Variants in PIGN observed in about 807,000 individuals in gnomAD.
PIGN encodes GPI ethanolamine phosphate transferase 1.
Under a neutral mutation model 125.4 loss-of-function variants are expected in PIGN, and 117 were observed. The observed-to-expected ratio is 0.93, with a 90% CI of 0.80 to 1.09. The LOEUF is 1.09. Among genes scored for constraint, PIGN ranks in the 50% least tolerant of loss-of-function variants. PIGN has a pLI of 0.00. For synonymous variants in PIGN, 392 were observed against 377.8 expected (o/e 1.04, Z -0.44); for missense variants, 1,075 against 1,094.9 (o/e 0.98, Z 0.26).
intron 23 of PIGN, among the ~76,000 whole-genome samples, chr18:62,030,931 G>A (rs1271076952): frequency 2.0e-4 from 31 of 152,142 alleles, no homozygotes; most frequent in Non-Finnish European, 1.3e-4. Flanking sequence ...GATGGCTTGA[G>A]CCCAGGAGTT....
chr18:62,109,759 A>T, intron 17 of PIGN, 75 bp downstream of exon 17: 1 of 1,302,404 alleles, frequency 7.7e-7, no homozygotes, highest in Non-Finnish European at 1.1e-6. Flanking sequence ...TATGGTACAG[A>T]AATCTACTGC....
chr18:62,044,093 A>G lies in PIGN; in HGVS notation c.*1763T>C, dbSNP rs1319117582. ...GCTGCAGGCACACAACACAAACTCC[A>G]CAAACTCTATGATACTGTCAGAAGG... On this transcript the variant is annotated 3_prime_UTR_variant, in exon 31 of 31. Coordinates refer to ENST00000640252, the MANE Select transcript of PIGN (RefSeq NM_176787.5). 6.6e-6 allele frequency: 1 copy of G among 152,184 alleles called. No individual in the cohort carries two copies. The highest frequency in any genetic ancestry group is 1.5e-5 in the Non-Finnish European group (1 of 68,028). The allele number at this position is 152,184 out of a possible 1,614,324, so 9.4% of individuals were successfully genotyped here.
intron 23 of PIGN, among the ~76,000 whole-genome samples, chr18:62,094,998 A>G (rs1261632198): frequency 6.6e-6 from 1 of 152,172 alleles, no homozygotes; most frequent in African/African-American, 2.4e-5. Context: ...TAAGTTTCCA[A>G]AAGGGAGAAC....
At chr18:62,179,589 C>T (rs1033915248) in intron 1 of PIGN, among the ~76,000 whole-genome samples, 11 of 151,738 alleles carry the variant, frequency 7.2e-5, no homozygotes, top group Non-Finnish European at 4.4e-5. Context: ...ACAAAAAATG[C>T]AAAAAAATTA....
chr18:62,139,494 A>C (rs1375251691), intron 12 of PIGN, among the ~76,000 whole-genome samples: 1 of 152,254 alleles, frequency 6.6e-6, no homozygotes, highest in Non-Finnish European at 1.5e-5. Context: ...ATACATATAC[A>C]CAAACACTAT....
chr18:62,095,115 T>C (rs1483685605), intron 23 of PIGN, among the ~76,000 whole-genome samples: 3 of 152,246 alleles, frequency 2.0e-5, no homozygotes, highest in African/African-American at 7.2e-5. Flanking sequence ...CAAGATTCTG[T>C]ATTTGGGCCA....
rs1246563928 is a variant in PIGN, at chr18:62,043,185, T to C, written c.*2671A>G. 2 of 152,166 alleles carry C rather than the reference T, an allele frequency of 1.3e-5. No individual in the cohort carries two copies. 9.4% of individuals were successfully genotyped at this position (152,166 alleles called of 1,614,324 possible). A position where few individuals can be genotyped will look rare whatever the true frequency, so the allele number is the denominator to read the frequency against. On this transcript the variant is annotated 3_prime_UTR_variant, in exon 31 of 31. Transcript: ENST00000640252. ...CAAATGACAGAGTTGATTAGCTCCA[T>C]TCTCTTCAGCCCCCTGACATGATGG...
intron 30 of PIGN, chr18:62,051,838 T>C (rs1362403567): frequency 6.6e-6 from 1 of 152,180 alleles, no homozygotes; most frequent in Non-Finnish European, 1.5e-5. Context: ...TGTGGGCATT[T>C]AGTGCTATAA....
chr18:62,110,574 T>C lies in PIGN; in HGVS notation c.1435-601A>G, dbSNP rs193236600. 3.3e-5 allele frequency among the ~76,000 whole-genome samples: 5 copies of C among 152,232 alleles called. 1 individual carries two copies. The East Asian group carries it at 9.6e-4, about 29-fold the overall frequency. ...AAGTACAGGAGATTATCCTAGATAA[T>C]CTGGGTAGTCCTCATTCAATCCGTT... is the stretch of plus-strand genomic sequence containing the variant. On this transcript the variant is annotated intron_variant, in intron 16 of 30. Transcript: ENST00000640252.
At chr18:62,058,771 T>C (rs993659598) in intron 30 of PIGN, 2 of 152,302 alleles carry the variant, frequency 1.3e-5, no homozygotes, top group South Asian at 2.1e-4. Context: ...GTTTACAAAT[T>C]ATGCTAGGTT....
intron 23 of PIGN, among the ~76,000 whole-genome samples, chr18:62,094,159 T>C (rs1033650848): frequency 1.7e-4 from 26 of 152,184 alleles, no homozygotes; most frequent in African/African-American, 6.3e-4. Flanking sequence ...GTAAGTTACA[T>C]GATTAACTAA....
intron 30 of PIGN, among the ~76,000 whole-genome samples, chr18:62,049,855 C>A (rs2031116139): frequency 6.7e-6 from 1 of 150,086 alleles, no homozygotes. Flanking sequence ...AGTCTTTAAT[C>A]CATCTTGAAT....
intron 30 of PIGN, among the ~76,000 whole-genome samples, chr18:62,053,952 A>G (rs935436100): frequency 1.4e-4 from 21 of 152,358 alleles, no homozygotes; most frequent in African/African-American, 5.0e-4. Context: ...TAACAGATAC[A>G]TTACCAAACA....
Position 62,102,859 on chromosome 18 carries a change from C to T in PIGN, c.1903G>A (p.Val635Ile), listed in dbSNP as rs377479190. ...TCTTTTCTTTTCATGAGAGATGTTA[C>T]AACACACAGGGATAACAGAAGAACC... ...LLVLLLSLCV[V>I]TSLMKRKDSF... The change falls in exon 21 of 31, where the codon GTA becomes ATA. Residue 635 changes from valine (V) to isoleucine (I), a missense_variant. This residue lies in a region of PIGN where 915 missense variants were observed against 908.7 expected (regional missense o/e 1.01). Transcript: ENST00000640252. 8 of 1,587,606 alleles carry T rather than the reference C, an allele frequency of 5.0e-6. No homozygotes were observed. In the African/African-American group the frequency reaches 9.4e-5, roughly 19 times the overall value.
At chr18:62,121,216 G>A (rs753216775) in intron 14 of PIGN, among the ~76,000 whole-genome samples, 3 of 152,156 alleles carry the variant, frequency 2.0e-5, no homozygotes, top group Non-Finnish European at 4.4e-5. Flanking sequence ...AAGAAGAAAA[G>A]GCTACAATAG....
At chr18:62,157,560 G>T in intron 5 of PIGN, 127 bp downstream of exon 5, 1 of 865,828 alleles carries the variant, frequency 1.2e-6, no homozygotes, top group Non-Finnish European at 1.8e-6. Context: ...TGTCAGCAAA[G>T]CATGCTAAAA....
chr18:62,170,902 G>A (rs2037324280), intron 1 of PIGN, among the ~76,000 whole-genome samples: 1 of 152,172 alleles, frequency 6.6e-6, no homozygotes, highest in African/African-American at 2.4e-5. Flanking sequence ...TGAGTGGTCT[G>A]GATAGAAGAT....
At chr18:62,158,677 A>T (rs1419829776) in intron 4 of PIGN, among the ~76,000 whole-genome samples, 1 of 152,218 alleles carries the variant, frequency 6.6e-6, no homozygotes, top group Non-Finnish European at 1.5e-5. Context: ...GCCTCTCAAT[A>T]CATTCTAAAG....
At chr18:62,141,405 T>A (rs889380422) in intron 11 of PIGN, among the ~76,000 whole-genome samples, 1 of 152,264 alleles carries the variant, frequency 6.6e-6, no homozygotes, top group Admixed American at 6.5e-5. Flanking sequence ...CAGTATGGCA[T>A]AGGCCACTCC....
Sources: allele counts gnomAD v4.1 joint callset (sites outside exome capture counted in the v4.1 genomes callset), GRCh38; gene constraint gnomAD v4.1.1; regional missense constraint gnomAD v4.1.1; transcripts MANE v1.5; gene names NCBI Gene and HGNC (gene_info 2026-07-23, HGNC 2026-07-21).